The following CNNM2 variants were observed in gnomAD, a reference collection of about 807,000 sequenced individuals.
CNNM2 encodes metal transporter CNNM2.
CNNM2 carries 12 observed loss-of-function variants against 66.9 expected under a neutral mutation model. That is an observed-to-expected ratio of 0.18 (90% CI 0.11 to 0.29). The LOEUF (loss-of-function observed/expected upper bound fraction) is 0.29, where lower values mean the gene tolerates loss of function less well. Among genes scored for constraint, CNNM2 ranks in the 10% least tolerant of loss-of-function variants. The pLI, the probability that CNNM2 is intolerant of heterozygous loss-of-function variation, is 1.00. For missense variants in CNNM2, 705 were observed against 1,167.7 expected (o/e 0.60, Z 5.77); for synonymous variants, 557 against 501.8 (o/e 1.11, Z -1.47).
At chr10:102,935,334 C>T (rs1291590640) in intron 1 of CNNM2, among the ~76,000 whole-genome samples, 1 of 151,816 alleles carries the variant, frequency 6.6e-6, no homozygotes, top group East Asian at 1.9e-4. Context: ...TGGTGGTGCA[C>T]ACCTGTGGTC....
chr10:103,041,204 T>G (rs964513061), intron 1 of CNNM2, among the ~76,000 whole-genome samples: 2 of 152,124 alleles, frequency 1.3e-5, no homozygotes, highest in African/African-American at 4.8e-5. Flanking sequence ...CACCCACCCC[T>G]GTAGCTGTTG....
At chr10:102,995,146 C>T (rs2063967267) in intron 1 of CNNM2, among the ~76,000 whole-genome samples, 1 of 140,222 alleles carries the variant, frequency 7.1e-6, no homozygotes, top group Non-Finnish European at 1.6e-5. Flanking sequence ...CTTATTCTTC[C>T]TCCTCCCCCT....
chr10:102,965,678 A>G (rs141955391), intron 1 of CNNM2, among the ~76,000 whole-genome samples: 27 of 152,312 alleles, frequency 1.8e-4, no homozygotes, highest in South Asian at 1.2e-3. Flanking sequence ...TGTCTACTCT[A>G]TCTCTGTAAA....
At chr10:103,003,547 G>T (rs11191497) in intron 1 of CNNM2, among the ~76,000 whole-genome samples, 231 of 152,180 alleles carry the variant, frequency 1.5e-3, no homozygotes, top group African/African-American at 5.1e-3. Context: ...AAATAAACTG[G>T]GTGCGTTGGC....
At chr10:103,046,159 C>T (rs1286480187) in intron 1 of CNNM2, among the ~76,000 whole-genome samples, 1 of 152,216 alleles carries the variant, frequency 6.6e-6, no homozygotes, top group Non-Finnish European at 1.5e-5. Flanking sequence ...ATTGCAGTAA[C>T]AATTATGAGG....
At chr10:102,934,730 G>C (rs1846175753) in intron 1 of CNNM2, among the ~76,000 whole-genome samples, 2 of 152,152 alleles carry the variant, frequency 1.3e-5, no homozygotes, top group Non-Finnish European at 2.9e-5. Context: ...TGTAGTCCTG[G>C]CTACTTGGGA....
At chr10:102,996,569 G>A (rs2064008021) in intron 1 of CNNM2, among the ~76,000 whole-genome samples, 1 of 152,186 alleles carries the variant, frequency 6.6e-6, no homozygotes, top group African/African-American at 2.4e-5. Context: ...GTTGGGCATG[G>A]TGGCGCATGC....
At chr10:102,953,433 ATT>A (rs1846914983) in intron 1 of CNNM2, among the ~76,000 whole-genome samples, 2 of 151,718 alleles carry the variant, frequency 1.3e-5, no homozygotes, top group Admixed American at 6.6e-5. Context: ...ATTTTTTTGT[ATT>A]TTTAGTAGAG....
At chr10:102,985,584 CTT>C (rs372240523) in intron 1 of CNNM2, among the ~76,000 whole-genome samples, 2 of 152,170 alleles carry the variant, frequency 1.3e-5, no homozygotes, top group African/African-American at 4.8e-5. Flanking sequence ...ACTGGCTACT[CTT>C]AGTCATGTTC....
At chr10:103,069,350 G>T (rs931674208) in intron 5 of CNNM2, among the ~76,000 whole-genome samples, 1 of 152,172 alleles carries the variant, frequency 6.6e-6, no homozygotes, top group Admixed American at 6.5e-5. Context: ...CTGGCGCTAC[G>T]TGTCAGAGGG....
chr10:102,972,924 G>A (rs1289550941), intron 1 of CNNM2, among the ~76,000 whole-genome samples: 1 of 152,098 alleles, frequency 6.6e-6, no homozygotes, highest in African/African-American at 2.4e-5. Flanking sequence ...CTTGACAATT[G>A]TGTTAAACCA....
chr10:102,933,115 T>G (rs1846121053), intron 1 of CNNM2, among the ~76,000 whole-genome samples: 1 of 152,196 alleles, frequency 6.6e-6, no homozygotes, highest in Non-Finnish European at 1.5e-5. Context: ...GCTGTCAGGA[T>G]TCCTTGCATT....
intron 1 of CNNM2, among the ~76,000 whole-genome samples, chr10:103,014,736 C>A (rs1364458676): frequency 6.6e-6 from 1 of 151,976 alleles, no homozygotes; most frequent in African/African-American, 2.4e-5. Context: ...CTATTAAATA[C>A]CATTTACAGG....
intron 1 of CNNM2, among the ~76,000 whole-genome samples, chr10:103,033,483 C>T (rs558652533): frequency 1.3e-5 from 2 of 152,200 alleles, no homozygotes; most frequent in Non-Finnish European, 2.9e-5. Flanking sequence ...CGTGAGCCAC[C>T]ACGCCTGGAC....
rs1403366192 is a variant in CNNM2 at position 103,088,864 on chromosome 10, C to T, written c.*11684C>T. ...TAGCATGAGCCACAGCTATATAGCCCACACTAATGCATGTTCTGTAGTATA... is the reference window on the plus strand; with the variant it reads ...TAGCATGAGCCACAGCTATATAGCCTACACTAATGCATGTTCTGTAGTATA... On this transcript the variant is annotated 3_prime_UTR_variant, in exon 8 of 8. Coordinates refer to ENST00000369878, the MANE Select transcript of CNNM2 (RefSeq NM_017649.5). 3 of 202,706 alleles carry T rather than the reference C, an allele frequency of 1.5e-5. No homozygotes were observed. Among genetic ancestry groups the T allele is most frequent in the African/African-American group, 6.9e-5 (3 of 43,586 alleles). The allele number at this position is 202,706 out of a possible 1,614,324, so 12.6% of individuals were successfully genotyped here. A position where few individuals can be genotyped will look rare whatever the true frequency, so the allele number is the denominator to read the frequency against.
chr10:103,069,761 G>C (rs567633560), intron 5 of CNNM2, among the ~76,000 whole-genome samples: 28 of 152,358 alleles, frequency 1.8e-4, no homozygotes, highest in Admixed American at 1.7e-3. Context: ...GAGGCAGCCC[G>C]AACAGGTCGG....
intron 1 of CNNM2, among the ~76,000 whole-genome samples, chr10:103,039,247 C>G (rs934078630): frequency 3.3e-5 from 5 of 152,086 alleles, no homozygotes; most frequent in African/African-American, 9.7e-5. Flanking sequence ...AGATTCAGTC[C>G]TGCCTCAGCC....
In CNNM2 at chr10:102,918,990, G is replaced by C. The variant is rs1400914135; in HGVS notation, c.510G>C (p.Ser170=). The C allele has an allele frequency of 1.9e-6, 3 of 1,612,812 alleles. No individual in the cohort carries two copies. The highest frequency in any genetic ancestry group is 2.5e-6 in the Non-Finnish European group (3 of 1,179,518). Residue 170 remains serine, a synonymous_variant, in exon 1 of 8, where the codon TCG becomes TCC. Coordinates refer to ENST00000369878, the MANE Select transcript of CNNM2 (RefSeq NM_017649.5). The surrounding 1 kb of genome is among the most constrained non-coding windows in gnomAD (Gnocchi z 4.1). ...LPHIILNRRT[S]GIIEIEIKPL... is the part of the protein sequence containing the mutation. ...ACATCATTCTCAACCGCCGCACCTC[G>C]GGCATCATCGAGATCGAGATCAAAC...
chr10:103,089,796 C>A lies in CNNM2; in HGVS notation c.*12616C>A. On this transcript the variant is annotated 3_prime_UTR_variant, in exon 8 of 8. Transcript: ENST00000369878. ...ACTAATTGACCGTGTCAGCTGGTGC[C>A]GCTTGTAGTCAGTGTCTTTGAAATC... is the stretch of plus-strand genomic sequence containing the variant. 6.2e-7 allele frequency: 1 copy of A among 1,613,970 alleles called. No homozygotes were observed. The highest frequency in any genetic ancestry group is 8.5e-7 in the Non-Finnish European group (1 of 1,180,002).
Sources: gnomAD v4.1 joint callset for allele counts (sites outside exome capture counted in the v4.1 genomes callset) on GRCh38, gnomAD v4.1.1 for gene constraint, Gnocchi (gnomAD v3.1) non-coding constraint, MANE v1.5 for transcripts, NCBI Gene and HGNC (gene_info 2026-07-23, HGNC 2026-07-21) for gene names.